The following ENTPD6 variants were observed in gnomAD, a reference collection of about 807,000 sequenced individuals.
ENTPD6 encodes CD39 antigen-like 2.
Under a neutral mutation model 61.5 loss-of-function variants are expected in ENTPD6, and 46 were observed. That is an observed-to-expected ratio of 0.75 (90% CI 0.59 to 0.96). The LOEUF is 0.96. ENTPD6 is among the 40% of genes least tolerant of loss of function. ENTPD6 has a pLI of 0.00. For missense variants in ENTPD6, 612 were observed against 629.0 expected, an observed-to-expected ratio of 0.97 and a Z score of 0.29; for synonymous variants, 252 against 255.5, an observed-to-expected ratio of 0.99 and a Z score of 0.13.
At position 25,208,538 on chromosome 20, in the gene ENTPD6, C is replaced by T. The variant is rs544284554; in HGVS notation, c.376+1141C>T. Among the ~76,000 whole-genome samples, 8 of 152,198 alleles carry T rather than the reference C, an allele frequency of 5.3e-5. No homozygotes were observed. The East Asian group carries it at 5.8e-4, about 11-fold the overall frequency. On this transcript the variant is annotated intron_variant, in intron 3 of 14. Coordinates refer to ENST00000376652, the MANE Select transcript of ENTPD6 (RefSeq NM_001247.5). ...TAAGTGTGCAACAGACATCAGCCTG[C>T]GATGCTTTTGGAGCCATGTCCCAGG...
intron 11 of ENTPD6, chr20:25,221,558 T>C (rs1332820176): frequency 1.7e-6 from 1 of 581,330 alleles, no homozygotes; most frequent in African/African-American, 1.9e-5. Flanking sequence ...CCCCTGACTG[T>C]CACCAGAAGC....
intron 3 of ENTPD6, among the ~76,000 whole-genome samples, chr20:25,208,081 C>T (rs974684093): frequency 1.3e-5 from 2 of 152,204 alleles, no homozygotes; most frequent in Non-Finnish European, 2.9e-5. Flanking sequence ...AGTTTGCAGC[C>T]CCTGTCAGGC....
rs770005578 is a variant in ENTPD6 at position 25,222,830 on chromosome 20, GT to G, written c.1046-7del. The G allele has an allele frequency of 2.1e-4, 336 of 1,613,428 alleles. No individual in the cohort carries two copies. Among genetic ancestry groups the G allele is most frequent in the Non-Finnish European group, 2.6e-4 (309 of 1,179,864 alleles). ...CCCACTGACCGCTAGCCTTGTGCTT[GT>G]CCCCAGCGGCAAGCCTGCACGAGCT... On this transcript the variant is annotated splice_region_variant and splice_polypyrimidine_tract_variant and intron_variant, in intron 11 of 14. Transcript: ENST00000376652.
intron 1 of ENTPD6, among the ~76,000 whole-genome samples, chr20:25,203,207 T>C (rs1005080096): frequency 2.6e-5 from 4 of 152,232 alleles, no homozygotes; most frequent in Admixed American, 2.6e-4. Context: ...TTCAATATTC[T>C]GCCTTTGTCT....
At chr20:25,215,804 T>C in intron 7 of ENTPD6, 93 bp downstream of exon 7, 2 of 1,327,902 alleles carry the variant, frequency 1.5e-6, no homozygotes, top group South Asian at 1.2e-5. Flanking sequence ...TCATTTCTGC[T>C]CTTTAAGATA....
rs150157434 is a variant in ENTPD6, at chr20:25,224,026, C to T, written c.1187-75C>T. 1.0e-3 allele frequency: 1,422 copies of T among 1,419,204 alleles called. 9 individuals are homozygous for T. In the African/African-American group the frequency reaches 0.017, roughly 17 times the overall value. The allele number at this position is 1,419,204 out of a possible 1,614,324, so 87.9% of individuals were successfully genotyped here. On this transcript the variant is annotated intron_variant, in intron 12 of 14. Coordinates refer to ENST00000376652, the MANE Select transcript of ENTPD6 (RefSeq NM_001247.5). The stretch of plus-strand genomic sequence containing the variant: ...TTGGGGCTCTTGGGCTGGCGTTCCC[C>T]GTGCCAGCCTCACGTCTCAGTGGCA...
In ENTPD6 at chr20:25,227,496, CA is replaced by C. The variant is rs1308490248; in HGVS notation, c.*1902del. ...AGTCATGGAATATTTCTGGGCCCGGCAAAGTATGCAAGTCATTTCTCTCTGA... is the reference window on the plus strand; with the variant it reads ...AGTCATGGAATATTTCTGGGCCCGGCAAGTATGCAAGTCATTTCTCTCTGA... On this transcript the variant is annotated 3_prime_UTR_variant, in exon 15 of 15. Transcript: ENST00000376652. Among the ~76,000 whole-genome samples, 6 of 152,322 alleles carry C rather than the reference CA, an allele frequency of 3.9e-5. 1 individual carries two copies. Among genetic ancestry groups the C allele is most frequent in the African/African-American group, 1.4e-4 (6 of 41,568 alleles).
chr20:25,209,310 C>A (rs1350214378), intron 3 of ENTPD6, among the ~76,000 whole-genome samples: 1 of 151,692 alleles, frequency 6.6e-6, no homozygotes, highest in Non-Finnish European at 1.5e-5. Flanking sequence ...TGGGGTTTCA[C>A]CATATTCGCC....
At chr20:25,224,505 C>T (rs1260461135) in intron 13 of ENTPD6, 1 of 184,808 alleles carries the variant, frequency 5.4e-6, no homozygotes, top group African/African-American at 2.3e-5. Context: ...AGGGCTGTCC[C>T]CGGGGTCGCA....
intron 13 of ENTPD6, 176 bp from the exon 14 acceptor site, chr20:25,225,029 G>A (rs899126680): frequency 1.0e-5 from 10 of 995,042 alleles, no homozygotes; most frequent in Admixed American, 2.9e-5. Flanking sequence ...CGGGGTTGCC[G>A]CCCACCTGCC....
rs1329593554 is a variant in ENTPD6, at chr20:25,225,185, G to A, written c.1244-20G>A. The stretch of plus-strand genomic sequence containing the variant: ...AGGTGGGAGTCACCTGGAGCGTGAA[G>A]GGACGTGTCTCATCCCCAGTGTGTC... On this transcript the variant is annotated intron_variant, in intron 13 of 14. Transcript: ENST00000376652. 1 of 1,604,724 alleles carries A rather than the reference G, an allele frequency of 6.2e-7. No homozygotes were observed. Among genetic ancestry groups the A allele is most frequent in the South Asian group, 1.1e-5 (1 of 89,332 alleles).
In ENTPD6 at chr20:25,195,798, G is replaced by C; in HGVS notation, c.-85G>C. ...CCGGCCGGGGCGGGGGAGCCCAAAA[G>C]ACCGGCTGCCGCCTGCTCCCCGGAA... is the stretch of plus-strand genomic sequence containing the variant. On this transcript the variant is annotated 5_prime_UTR_variant, in exon 1 of 15. Transcript: ENST00000376652. 8.1e-7 allele frequency: 1 copy of C among 1,230,510 alleles called. No homozygotes were observed. Among genetic ancestry groups the C allele is most frequent in the Non-Finnish European group, 1.0e-6 (1 of 979,582 alleles). The allele number at this position is 1,230,510 out of a possible 1,614,324, so 76.2% of individuals were successfully genotyped here.
At chr20:25,200,444 T>C (rs1158206266) in intron 1 of ENTPD6, among the ~76,000 whole-genome samples, 1 of 152,216 alleles carries the variant, frequency 6.6e-6, no homozygotes, top group East Asian at 1.9e-4. Context: ...TCCATTTGTT[T>C]ATTTTTGCTT....
chr20:25,223,035 G>GT, intron 12 of ENTPD6, 57 bp downstream of exon 12: 1 of 1,109,616 alleles, frequency 9.0e-7, no homozygotes, highest in Non-Finnish European at 1.3e-6. Flanking sequence ...GGCGGGGGTG[G>GT]AGGGCGTGTG....
chr20:25,216,710 C>T lies in ENTPD6; in HGVS notation c.772C>T (p.Gln258Ter). 1 of 1,605,242 alleles carries T rather than the reference C, an allele frequency of 6.2e-7. No individual in the cohort carries two copies. Among genetic ancestry groups the T allele is most frequent in the Non-Finnish European group, 8.5e-7 (1 of 1,176,374 alleles). ...GCTGGACTTGGGCGGAGGATCCACTCAGATCGCCTTCCTGCCACGCGTGGA... is the reference window on the plus strand; with the variant it reads ...GCTGGACTTGGGCGGAGGATCCACTTAGATCGCCTTCCTGCCACGCGTGGA... ...GMLDLGGGST[Q>*]IAFLPRVEGT... The change falls in exon 8 of 15, where the codon CAG becomes TAG. Residue 258 changes from glutamine (Q) to a stop codon, truncating the protein, a stop_gained. Transcript: ENST00000376652. LOFTEE classifies it high-confidence loss of function.
intron 6 of ENTPD6, among the ~76,000 whole-genome samples, chr20:25,215,340 G>A (rs1011660666): frequency 6.6e-6 from 1 of 152,218 alleles, no homozygotes; most frequent in African/African-American, 2.4e-5. Context: ...TCTTCAGTAT[G>A]ACCTTGAGAG....
chr20:25,214,803 A>AAAT, intron 5 of ENTPD6, 64 bp from the exon 6 acceptor site: 1 of 1,019,318 alleles, frequency 9.8e-7, no homozygotes. Context: ...CTAGCTAGCT[A>AAAT]AATAAATAAA....
intron 9 of ENTPD6, 96 bp downstream of exon 9, chr20:25,217,677 C>A (rs570067128): frequency 8.7e-6 from 9 of 1,033,690 alleles, no homozygotes; most frequent in Non-Finnish European, 1.4e-5. Context: ...GATGGCAGAT[C>A]TGGGAATCCC....
chr20:25,212,258 C>CA lies in ENTPD6; in HGVS notation c.454-1004dup, dbSNP rs1196906888. 2.6e-5 allele frequency among the ~76,000 whole-genome samples: 4 copies of CA among 152,330 alleles called. No individual in the cohort carries two copies. The East Asian group carries it at 5.8e-4, about 22-fold the overall frequency. On this transcript the variant is annotated intron_variant, in intron 4 of 14. Transcript: ENST00000376652. ...TTGGGTTCTGGATCCAGCACTCTGG[C>CA]AGGTGAAGTGGCTCCTCGTTGTAGT...
Sources: gnomAD v4.1 joint callset for allele counts (sites outside exome capture counted in the v4.1 genomes callset) on GRCh38, gnomAD v4.1.1 for gene constraint, MANE v1.5 for transcripts, NCBI Gene and HGNC (gene_info 2026-07-23, HGNC 2026-07-21) for gene names.